CCDC178: variants seen among roughly 807,000 people sequenced by gnomAD.
CCDC178 encodes the protein coiled-coil domain containing 178, also known as coiled-coil domain-containing protein 178.
A neutral mutation model predicts 117.4 loss-of-function variants in CCDC178; 126 were observed. That is an observed-to-expected ratio of 1.07 (90% confidence interval 0.93 to 1.24). CCDC178 has a LOEUF of 1.24. Ranked by LOEUF, CCDC178 falls within the 50% of genes most tolerant of loss-of-function variation. CCDC178 has a pLI of 0.00. For missense variants in CCDC178, 1,030 were observed against 986.9 expected, an observed-to-expected ratio of 1.04 and a Z score of -0.59; for synonymous variants, 283 against 313.4, an observed-to-expected ratio of 0.90 and a Z score of 1.02.
At chr18:33,117,584 C>T (rs542386918) in intron 20 of CCDC178, among the ~76,000 whole-genome samples, 15 of 151,462 alleles carry the variant, frequency 9.9e-5, no homozygotes, top group East Asian at 2.0e-4. Context: ...GTGGGGGGAG[C>T]GGGGAGAGGG....
chr18:33,202,374 A>G (rs1188434141), intron 20 of CCDC178, among the ~76,000 whole-genome samples: 2 of 141,052 alleles, frequency 1.4e-5, no homozygotes, highest in Non-Finnish European at 3.0e-5. Flanking sequence ...GCCTGGCAAC[A>G]GAGCAAGACT....
At chr18:33,203,902 A>C (rs1477956288) in intron 20 of CCDC178, among the ~76,000 whole-genome samples, 4 of 152,168 alleles carry the variant, frequency 2.6e-5, no homozygotes, top group Non-Finnish European at 5.9e-5. Flanking sequence ...TAACTATGAT[A>C]GCTCTTTTAA....
intron 21 of CCDC178, among the ~76,000 whole-genome samples, chr18:33,065,661 G>C (rs972468200): frequency 2.0e-5 from 3 of 152,062 alleles, no homozygotes; most frequent in Non-Finnish European, 4.4e-5. Context: ...ATGAGACAAA[G>C]ACAAAGAGAG....
intron 19 of CCDC178, among the ~76,000 whole-genome samples, chr18:33,212,541 A>G (rs1750827422): frequency 6.6e-6 from 1 of 152,002 alleles, no homozygotes; most frequent in African/African-American, 2.4e-5. Flanking sequence ...CCTGGTATTG[A>G]GCTGTTGAAT....
At chr18:33,221,410 AG>A (rs1438081714) in intron 18 of CCDC178, among the ~76,000 whole-genome samples, 1 of 152,026 alleles carries the variant, frequency 6.6e-6, no homozygotes, top group Non-Finnish European at 1.5e-5. Flanking sequence ...GGAAAGAGAT[AG>A]ATGGACATGA....
At chr18:33,251,398 T>C (rs1321577840) in intron 14 of CCDC178, among the ~76,000 whole-genome samples, 2 of 151,722 alleles carry the variant, frequency 1.3e-5, no homozygotes, top group African/African-American at 2.4e-5. Flanking sequence ...AGGGAGAAGA[T>C]ATAAAACAGT....
intron 1 of CCDC178, among the ~76,000 whole-genome samples, chr18:33,440,322 ACTGGGGG>A (rs2064364428): frequency 2.4e-5 from 1 of 41,032 alleles, no homozygotes; most frequent in African/African-American, 9.7e-5. Flanking sequence ...GGACTGGGGG[ACTGGGGG>A]ACTGGGGGAC....
At chr18:33,424,657 C>CAT (rs1220887780) in intron 2 of CCDC178, among the ~76,000 whole-genome samples, 3 of 152,172 alleles carry the variant, frequency 2.0e-5, no homozygotes, top group Non-Finnish European at 4.4e-5. Context: ...GGAGCCACGG[C>CAT]ACGGCCCAGA....
At position 33,182,512 on chromosome 18, in the gene CCDC178, T is replaced by C. The variant is rs1171533001; in HGVS notation, c.2238+29384A>G. Among the ~76,000 whole-genome samples, 6 of 152,106 alleles carry C rather than the reference T, an allele frequency of 3.9e-5. No individual in the cohort carries two copies. In the East Asian group the frequency reaches 1.2e-3, roughly 29 times the overall value. On this transcript the variant is annotated intron_variant, in intron 20 of 22. Transcript: ENST00000383096. ...TTAAAATCTCACTCTTTATATTGTG[T>C]GCTAAAGCATGTTGAGAAATCTTTC...
intron 6 of CCDC178, among the ~76,000 whole-genome samples, chr18:33,361,769 A>G (rs529061487): frequency 5.1e-4 from 77 of 151,860 alleles, no homozygotes; most frequent in Non-Finnish European, 1.5e-4. Flanking sequence ...TCTCACACAC[A>G]TAAGGATGAC....
Position 32,937,988 on chromosome 18 carries a change from TC to T in CCDC178, c.*22del. The T allele has an allele frequency of 6.4e-7, 1 of 1,555,452 alleles. No individual in the cohort carries two copies. The highest frequency in any genetic ancestry group is 8.9e-7 in the Non-Finnish European group (1 of 1,127,250). On this transcript the variant is annotated 3_prime_UTR_variant, in exon 23 of 23. Coordinates refer to ENST00000383096, the MANE Select transcript of CCDC178 (RefSeq NM_001105528.4). ...ACTTTTCTTGTCTTTTATTTCAGCA[TC>T]CAAGATACATTGGTTGTTTGCTTAA...
chr18:33,060,609 C>T (rs1386773861), intron 21 of CCDC178, among the ~76,000 whole-genome samples: 8 of 151,682 alleles, frequency 5.3e-5, no homozygotes, highest in African/African-American at 1.7e-4. Flanking sequence ...AAATTGGACT[C>T]GGTTGTAACT....
At chr18:33,440,910 C>T (rs1223790067), upstream of CCDC178, 1 of 152,552 alleles carries the variant, frequency 6.6e-6, no homozygotes, top group Non-Finnish European at 1.5e-5. Context: ...TTCCCTTTCT[C>T]TTGTAACCGA....
chr18:33,366,564 T>C (rs1288415442), intron 6 of CCDC178, among the ~76,000 whole-genome samples: 4 of 152,100 alleles, frequency 2.6e-5, no homozygotes, highest in African/African-American at 9.7e-5. Flanking sequence ...GATGTATATA[T>C]ACAGATATAA....
At chr18:33,086,051 G>A (rs955549062) in intron 21 of CCDC178, among the ~76,000 whole-genome samples, 3 of 151,870 alleles carry the variant, frequency 2.0e-5, no homozygotes, top group South Asian at 2.1e-4. Context: ...TATAAGTCAT[G>A]TATTAGATAA....
chr18:33,358,836 T>C (rs1456962121), intron 6 of CCDC178, among the ~76,000 whole-genome samples: 1 of 151,786 alleles, frequency 6.6e-6, no homozygotes, highest in Non-Finnish European at 1.5e-5. Flanking sequence ...GTTTACAACA[T>C]ATACAACTTA....
At chr18:33,013,278 T>C (rs1194409222) in intron 21 of CCDC178, among the ~76,000 whole-genome samples, 1 of 151,948 alleles carries the variant, frequency 6.6e-6, no homozygotes, top group Non-Finnish European at 1.5e-5. Flanking sequence ...TCCTTAATCA[T>C]ATAGATACAT....
intron 20 of CCDC178, among the ~76,000 whole-genome samples, chr18:33,100,674 G>A (rs1402180898): frequency 1.3e-5 from 2 of 151,932 alleles, no homozygotes; most frequent in Non-Finnish European, 2.9e-5. Flanking sequence ...CAGAAATACA[G>A]ATGCTTATTA....
intron 15 of CCDC178, among the ~76,000 whole-genome samples, chr18:33,232,896 T>C (rs2059383422): frequency 6.6e-6 from 1 of 152,148 alleles, no homozygotes; most frequent in African/African-American, 2.4e-5. Flanking sequence ...AAATTCTACA[T>C]TGAATGAATT....
Sources: gnomAD v4.1 joint callset for allele counts (sites outside exome capture counted in the v4.1 genomes callset) on GRCh38, gnomAD v4.1.1 for gene constraint, MANE v1.5 for transcripts, NCBI Gene and HGNC (gene_info 2026-07-23, HGNC 2026-07-21) for gene names.